The following SUFU variants were observed in gnomAD, a reference collection of about 807,000 sequenced individuals.
The protein encoded by SUFU is suppressor of fused homolog.
A neutral mutation model predicts 58.9 loss-of-function variants in SUFU; 7 were observed. The observed-to-expected ratio is 0.12, with a 90% CI of 0.07 to 0.22. The LOEUF is 0.22. Among genes scored for constraint, SUFU ranks in the 10% least tolerant of loss-of-function variants. The pLI is 1.00. For missense variants in SUFU, 451 were observed against 641.3 expected (o/e 0.70, Z 3.20); for synonymous variants, 232 against 254.8 (o/e 0.91, Z 0.85).
intron 1 of SUFU, among the ~76,000 whole-genome samples, chr10:102,506,314 T>C (rs2062326399): frequency 6.6e-6 from 1 of 152,152 alleles, no homozygotes; most frequent in Non-Finnish European, 1.5e-5. Flanking sequence ...AAAGGGATTA[T>C]ACAGCACTTT....
chr10:102,542,467 G>C (rs2062813555), intron 2 of SUFU, among the ~76,000 whole-genome samples: 1 of 151,042 alleles, frequency 6.6e-6, no homozygotes, highest in East Asian at 1.9e-4. Flanking sequence ...TAGAGATGGG[G>C]TTTCATCATG....
chr10:102,607,411 C>T (rs1434746493), intron 8 of SUFU, among the ~76,000 whole-genome samples: 2 of 151,964 alleles, frequency 1.3e-5, no homozygotes, highest in African/African-American at 2.4e-5. Flanking sequence ...GGTATTAAAT[C>T]CAAGGAAAAT....
Position 102,617,518 on chromosome 10 carries a change from C to A in SUFU, c.1296+90C>A. ...CTCCCTTGGCAGCTCTTGATGGCAC[C>A]CCTTCCTGGGGGGCTGGTCATGAAT... is the stretch of plus-strand genomic sequence containing the variant. On this transcript the variant is annotated intron_variant, in intron 10 of 11. Coordinates refer to ENST00000369902, the MANE Select transcript of SUFU (RefSeq NM_016169.4). This position sits in a 1 kb window ranked among gnomAD's most constrained non-coding sequence, Gnocchi z 4.4. 1 of 1,573,338 alleles carries A rather than the reference C, an allele frequency of 6.4e-7. No individual in the cohort carries two copies. Among genetic ancestry groups the A allele is most frequent in the Non-Finnish European group, 8.7e-7 (1 of 1,144,106 alleles).
chr10:102,598,445 C>T (rs962665528), intron 7 of SUFU, among the ~76,000 whole-genome samples: 11 of 152,168 alleles, frequency 7.2e-5, no homozygotes, highest in Non-Finnish European at 1.5e-4. Context: ...TGTGAGCCAC[C>T]GCACCCGGCC....
intron 2 of SUFU, among the ~76,000 whole-genome samples, chr10:102,545,800 C>G (rs1270390198): frequency 6.6e-6 from 1 of 151,942 alleles, no homozygotes; most frequent in Non-Finnish European, 1.5e-5. Context: ...ATAATGAAAC[C>G]CTGTCTCTAC....
intron 6 of SUFU, among the ~76,000 whole-genome samples, chr10:102,595,300 C>T (rs940212514): frequency 6.6e-6 from 1 of 152,246 alleles, no homozygotes; most frequent in South Asian, 2.1e-4. Context: ...CCTCTTCATT[C>T]ACAGATGATG....
At chr10:102,514,724 A>G (rs767658921) in intron 2 of SUFU, among the ~76,000 whole-genome samples, 2 of 152,176 alleles carry the variant, frequency 1.3e-5, no homozygotes, top group Non-Finnish European at 2.9e-5. Context: ...GTGGACTGGA[A>G]TGTGGGGATC....
At chr10:102,515,543 T>C (rs1365572960) in intron 2 of SUFU, among the ~76,000 whole-genome samples, 1 of 152,140 alleles carries the variant, frequency 6.6e-6, no homozygotes, top group Non-Finnish European at 1.5e-5. Context: ...CTCGAACTCC[T>C]GACCTCAGGT....
At chr10:102,570,001 A>G (rs948131690) in intron 3 of SUFU, among the ~76,000 whole-genome samples, 1 of 152,206 alleles carries the variant, frequency 6.6e-6, no homozygotes, top group Non-Finnish European at 1.5e-5. Context: ...CCATATGGAA[A>G]AGGGATTTGA....
At chr10:102,622,812 C>T (rs2063751209) in intron 10 of SUFU, among the ~76,000 whole-genome samples, 2 of 139,260 alleles carry the variant, frequency 1.4e-5, no homozygotes, top group Admixed American at 1.5e-4. Context: ...GAGTGAGACT[C>T]CGTCTCAGAA....
chr10:102,560,822 A>G (rs530474652), intron 3 of SUFU, among the ~76,000 whole-genome samples: 7 of 151,972 alleles, frequency 4.6e-5, no homozygotes, highest in Non-Finnish European at 1.0e-4. Flanking sequence ...ACATCTTTGT[A>G]TTCTTACCGA....
At chr10:102,566,593 T>C (rs2063092332) in intron 3 of SUFU, among the ~76,000 whole-genome samples, 1 of 151,682 alleles carries the variant, frequency 6.6e-6, no homozygotes. Context: ...TGAAACCCCG[T>C]CTCTACTAAA....
intron 8 of SUFU, among the ~76,000 whole-genome samples, chr10:102,607,167 GC>G (rs2063569730): frequency 6.6e-6 from 1 of 151,172 alleles, no homozygotes; most frequent in African/African-American, 2.4e-5. Context: ...TCCCTCCTCA[GC>G]CTCCTGAGTA....
intron 2 of SUFU, among the ~76,000 whole-genome samples, chr10:102,548,843 C>T (rs956929067): frequency 6.6e-6 from 1 of 152,130 alleles, no homozygotes; most frequent in Non-Finnish European, 1.5e-5. Context: ...TTCCTGCTTT[C>T]TCTCATTGTC....
chr10:102,580,003 A>C, intron 3 of SUFU: 1 of 271,604 alleles, frequency 3.7e-6, no homozygotes, highest in Non-Finnish European at 5.4e-6. Context: ...ATGTACAGAG[A>C]ATCTGTTTTG....
intron 2 of SUFU, among the ~76,000 whole-genome samples, chr10:102,512,919 A>G (rs1352506904): frequency 1.3e-5 from 2 of 152,012 alleles, no homozygotes; most frequent in Non-Finnish European, 2.9e-5. Context: ...AAATACAGAA[A>G]TTAGCCAGAC....
chr10:102,582,175 C>T (rs974281704), intron 3 of SUFU, among the ~76,000 whole-genome samples: 3 of 152,310 alleles, frequency 2.0e-5, no homozygotes, highest in South Asian at 2.1e-4. Context: ...CATTAGTCCC[C>T]GCTCCACAGA....
intron 11 of SUFU, among the ~76,000 whole-genome samples, chr10:102,627,933 C>G (rs528563595): frequency 2.0e-4 from 31 of 152,198 alleles, no homozygotes; most frequent in Non-Finnish European, 3.8e-4. Flanking sequence ...TCCCCTCCCC[C>G]GCTCCTGCCC....
intron 2 of SUFU, among the ~76,000 whole-genome samples, chr10:102,526,083 C>T (rs1330776597): frequency 6.6e-6 from 1 of 151,520 alleles, no homozygotes; most frequent in African/African-American, 2.4e-5. Flanking sequence ...ACACTAAGTT[C>T]AGCATCAATA....
Sources: allele counts gnomAD v4.1 joint callset (sites outside exome capture counted in the v4.1 genomes callset), GRCh38; gene constraint gnomAD v4.1.1; non-coding constraint Gnocchi (gnomAD v3.1); transcripts MANE v1.5; gene names NCBI Gene and HGNC (gene_info 2026-07-23, HGNC 2026-07-21).